CNTNAP4: variants seen among roughly 807,000 people sequenced by gnomAD.
CNTNAP4 encodes contactin associated protein family member 4.
In CNTNAP4, 98 loss-of-function variants were observed where a neutral mutation model predicts 148.4. The observed-to-expected ratio is 0.66, with a 90% CI of 0.56 to 0.78. CNTNAP4 has a LOEUF of 0.78. Ranked by LOEUF, CNTNAP4 falls within the 30% of genes least tolerant of loss-of-function variation. CNTNAP4 has a pLI of 0.00. For missense variants in CNTNAP4, 1,935 were observed against 1,565.6 expected (o/e 1.24, Z -3.98); for synonymous variants, 730 against 565.1 (o/e 1.29, Z -4.14).
At chr16:76,528,291 C>T (rs781334208) in intron 17 of CNTNAP4, among the ~76,000 whole-genome samples, 1 of 152,070 alleles carries the variant, frequency 6.6e-6, no homozygotes, top group Non-Finnish European at 1.5e-5. Context: ...ATGGATCTCT[C>T]TCTCTGTCAC....
chr16:76,310,997 C>G (rs1057092438), intron 1 of CNTNAP4, among the ~76,000 whole-genome samples: 3 of 151,762 alleles, frequency 2.0e-5, no homozygotes, highest in African/African-American at 7.3e-5. Flanking sequence ...TCAAGTGTCC[C>G]TAGAGTTAAT....
chr16:76,516,690 A>T (rs2083265607), intron 15 of CNTNAP4, among the ~76,000 whole-genome samples: 2 of 152,388 alleles, frequency 1.3e-5, no homozygotes, highest in South Asian at 4.1e-4. Flanking sequence ...AAATTTTAAT[A>T]TATCCATACC....
intron 10 of CNTNAP4, among the ~76,000 whole-genome samples, chr16:76,475,688 A>G (rs545048156): frequency 6.6e-6 from 1 of 152,288 alleles, no homozygotes; most frequent in East Asian, 1.9e-4. Context: ...CTGAGGGAAA[A>G]TGAAGGGCTC....
At chr16:76,381,914 C>T (rs2016010243) in intron 3 of CNTNAP4, among the ~76,000 whole-genome samples, 1 of 151,838 alleles carries the variant, frequency 6.6e-6, no homozygotes, top group South Asian at 2.1e-4. Context: ...CAAAAATTAG[C>T]TGGGCGTGGT....
At chr16:76,368,674 G>C (rs2014439039) in intron 3 of CNTNAP4, among the ~76,000 whole-genome samples, 1 of 152,066 alleles carries the variant, frequency 6.6e-6, no homozygotes, top group Admixed American at 6.6e-5. Flanking sequence ...GCCTGTTGTG[G>C]GGTAAGGGGC....
intron 12 of CNTNAP4, 53 bp downstream of exon 12, chr16:76,479,591 A>G: frequency 6.4e-7 from 1 of 1,556,626 alleles, no homozygotes; most frequent in Non-Finnish European, 8.7e-7. Context: ...TGTTTTAAAT[A>G]GGCAAAATTA....
At chr16:76,516,106 C>A (rs2083241730) in intron 15 of CNTNAP4, among the ~76,000 whole-genome samples, 1 of 150,548 alleles carries the variant, frequency 6.6e-6, no homozygotes, top group African/African-American at 2.4e-5. Context: ...CCCCACCCCC[C>A]AACAGGCCCC....
chr16:76,522,238 C>G lies in CNTNAP4; in HGVS notation c.2736C>G (p.Leu912=), dbSNP rs1475823895. Residue 912 remains leucine (L), a synonymous_variant, in exon 17 of 24, where the codon CTC becomes CTG. Transcript: ENST00000611870. ...APADGHVLLQ[L]NSQLFVGGTA... ...CTGATGGGCATGTCCTGTTACAGCTCAACAGTCAGCTCTTCGTGGGTAAGT... is the reference window on the plus strand; with the variant it reads ...CTGATGGGCATGTCCTGTTACAGCTGAACAGTCAGCTCTTCGTGGGTAAGT... 8 of 1,613,680 alleles carry G rather than the reference C, an allele frequency of 5.0e-6. No individual in the cohort carries two copies. In the African/African-American group the frequency reaches 6.7e-5, roughly 13 times the overall value.
intron 2 of CNTNAP4, among the ~76,000 whole-genome samples, chr16:76,336,153 A>G (rs1305311670): frequency 2.0e-5 from 3 of 152,138 alleles, no homozygotes; most frequent in South Asian, 2.1e-4. Context: ...TTGATTTTCT[A>G]CATGAGAAAG....
chr16:76,292,020 T>G (rs1436142029), intron 1 of CNTNAP4, among the ~76,000 whole-genome samples: 1 of 152,220 alleles, frequency 6.6e-6, no homozygotes, highest in Non-Finnish European at 1.5e-5. Context: ...ATTTAAACAT[T>G]CCTCTATTTT....
At chr16:76,370,928 C>T (rs943309189) in intron 3 of CNTNAP4, among the ~76,000 whole-genome samples, 3 of 151,722 alleles carry the variant, frequency 2.0e-5, no homozygotes, top group Non-Finnish European at 4.4e-5. Context: ...TTACATTTAG[C>T]GCTCTTCTGT....
At chr16:76,440,232 A>T (rs1174042890) in intron 4 of CNTNAP4, among the ~76,000 whole-genome samples, 1 of 152,146 alleles carries the variant, frequency 6.6e-6, no homozygotes, top group Non-Finnish European at 1.5e-5. Flanking sequence ...GGAGATTCCT[A>T]AAGAATTAAT....
In CNTNAP4 at chr16:76,452,663, C is replaced by G. The variant is rs899462414; in HGVS notation, c.1227C>G (p.Phe409Leu). 2.5e-6 allele frequency: 4 copies of G among 1,613,882 alleles called. No individual in the cohort carries two copies. The highest frequency in any genetic ancestry group is 2.7e-5 in the African/African-American group (2 of 75,034). The stretch of plus-strand genomic sequence containing the variant: ...GGAATAAGGCAGGGCTTCTGCTGTT[C>G]AGTGAACTTCAGCTGATTTCAGGGG... The part of the protein sequence containing the change: ...RTWNKAGLLL[F>L]SELQLISGGI... The change falls in exon 8 of 24, where the codon TTC becomes TTG. Residue 409 changes from phenylalanine to leucine, a missense_variant. Physicochemically the swap from Phe to Leu is conservative, Grantham distance 22 (BLOSUM62 0). Coordinates refer to ENST00000611870, the MANE Select transcript of CNTNAP4 (RefSeq NM_033401.5).
intron 3 of CNTNAP4, among the ~76,000 whole-genome samples, chr16:76,366,579 G>A (rs1431064780): frequency 6.6e-6 from 1 of 152,060 alleles, no homozygotes; most frequent in Admixed American, 6.6e-5. Flanking sequence ...ATTGTGACTA[G>A]TGCTGCAGTA....
At chr16:76,552,048 T>C (rs1458799467) in intron 21 of CNTNAP4, among the ~76,000 whole-genome samples, 1 of 152,154 alleles carries the variant, frequency 6.6e-6, no homozygotes, top group Non-Finnish European at 1.5e-5. Context: ...TCAGGAAACT[T>C]ATAATCGGAA....
intron 3 of CNTNAP4, among the ~76,000 whole-genome samples, chr16:76,404,445 G>GAC (rs144860925): frequency 1.1e-4 from 17 of 150,738 alleles, no homozygotes; most frequent in South Asian, 1.0e-3. Context: ...CACACACACA[G>GAC]ACACACACAC....
At chr16:76,385,547 A>AGT (rs3035895) in intron 3 of CNTNAP4, among the ~76,000 whole-genome samples, 21,553 of 148,898 alleles carry the variant, frequency 0.14, 1,819 homozygotes, top group East Asian at 0.44. Flanking sequence ...TTTAATTAGA[A>AGT]GTGTGTGTGT....
Position 76,448,078 on chromosome 16 carries a change from G to C in CNTNAP4, c.605G>C (p.Ser202Thr), listed in dbSNP as rs1469126318. The change falls in exon 5 of 24, where the codon AGC becomes ACC. Residue 202 changes from serine to threonine, a missense_variant. Coordinates refer to ENST00000611870, the MANE Select transcript of CNTNAP4 (RefSeq NM_033401.5). ...TACAGATTTGATCAAAAATCCCTGA[G>C]CCCAATAAAAGACATTATTTCTTTG... Reference protein sequence around the residue: ...LLYRFDQKSLSPIKDIISLKF... With the variant: ...LLYRFDQKSLTPIKDIISLKF... 2 of 1,613,702 alleles carry C rather than the reference G, an allele frequency of 1.2e-6. No individual in the cohort carries two copies. Among genetic ancestry groups the C allele is most frequent in the Non-Finnish European group, 1.7e-6 (2 of 1,179,714 alleles).
At chr16:76,476,903 A>C (rs377743331) in intron 11 of CNTNAP4, among the ~76,000 whole-genome samples, 1 of 152,136 alleles carries the variant, frequency 6.6e-6, no homozygotes, top group South Asian at 2.1e-4. Flanking sequence ...CTATTTAATG[A>C]GGGTGATAAG....
Sources: gnomAD v4.1 joint callset for allele counts (sites outside exome capture counted in the v4.1 genomes callset) on GRCh38, gnomAD v4.1.1 for gene constraint, MANE v1.5 for transcripts, NCBI Gene and HGNC (gene_info 2026-07-23, HGNC 2026-07-21) for gene names.